Variants in MEIS2 observed in about 807,000 individuals in gnomAD.
The protein encoded by MEIS2 is Meis homeobox 2.
MEIS2 carries 9 observed loss-of-function variants against 58.6 expected under a neutral mutation model. That is an observed-to-expected ratio of 0.15 (90% CI 0.09 to 0.27). The LOEUF (loss-of-function observed/expected upper bound fraction) is 0.27. Ranked by LOEUF, MEIS2 falls within the 10% of genes least tolerant of loss-of-function variation. The pLI, the probability that MEIS2 is intolerant of heterozygous loss-of-function variation, is 1.00. For synonymous variants in MEIS2, 221 were observed against 228.4 expected (o/e 0.97, Z 0.29); for missense variants, 427 against 635.0 (o/e 0.67, Z 3.52).
chr15:36,932,347 T>C (rs2058014314), intron 9 of MEIS2, among the ~76,000 whole-genome samples: 1 of 152,190 alleles, frequency 6.6e-6, no homozygotes, highest in South Asian at 2.1e-4. Context: ...CAGGCCTCTA[T>C]AGTGGCCCTG....
chr15:37,017,322 G>A (rs1417253625), intron 8 of MEIS2, among the ~76,000 whole-genome samples: 1 of 152,134 alleles, frequency 6.6e-6, no homozygotes, highest in Non-Finnish European at 1.5e-5. Context: ...ACAGAGTGTG[G>A]GCGGGGTTGG....
intron 9 of MEIS2, among the ~76,000 whole-genome samples, chr15:36,910,511 G>A (rs1449243107): frequency 1.3e-5 from 2 of 152,106 alleles, no homozygotes; most frequent in East Asian, 3.9e-4. Flanking sequence ...GGGTTCCAAG[G>A]ATGTGAAAAG....
chr15:36,989,519 A>C (rs1333465743), intron 8 of MEIS2, among the ~76,000 whole-genome samples: 24 of 152,172 alleles, frequency 1.6e-4, no homozygotes, highest in Admixed American at 1.5e-3. Flanking sequence ...ACACAGGGTC[A>C]GCTCGGACTA....
chr15:37,029,036 T>C (rs1277399015), intron 8 of MEIS2, among the ~76,000 whole-genome samples: 1 of 152,242 alleles, frequency 6.6e-6, no homozygotes, highest in Non-Finnish European at 1.5e-5. Context: ...TGTAATTTAA[T>C]GCATTGTGAC....
chr15:36,913,259 A>G (rs995719460), intron 9 of MEIS2, among the ~76,000 whole-genome samples: 2 of 152,252 alleles, frequency 1.3e-5, no homozygotes, highest in Non-Finnish European at 2.9e-5. Context: ...AAGTTAATCC[A>G]TAGATGTGGT....
chr15:36,994,176 A>G (rs779721216), intron 8 of MEIS2, among the ~76,000 whole-genome samples: 5 of 152,174 alleles, frequency 3.3e-5, no homozygotes, highest in Non-Finnish European at 7.4e-5. Flanking sequence ...GAAAGACTGT[A>G]TAAATATACT....
chr15:37,066,430 C>T (rs912156154), intron 7 of MEIS2: 4 of 152,110 alleles, frequency 2.6e-5, no homozygotes, highest in Non-Finnish European at 5.9e-5. Flanking sequence ...TTTTAAATGG[C>T]TTTGTCTTCA....
At chr15:37,095,729 A>G (rs1261118454) in intron 3 of MEIS2, 115 bp from the exon 4 acceptor site, 1 of 1,433,468 alleles carries the variant, frequency 7.0e-7, no homozygotes, top group Non-Finnish European at 9.6e-7. Flanking sequence ...GGGCTTTGGC[A>G]AAATACAAGA....
At chr15:37,062,533 T>G (rs1286762530) in intron 7 of MEIS2, among the ~76,000 whole-genome samples, 1 of 152,238 alleles carries the variant, frequency 6.6e-6, no homozygotes, top group African/African-American at 2.4e-5. Flanking sequence ...ACAACTTTAC[T>G]GTCTTCTTGC....
At chr15:36,992,254 T>C (rs2060322017) in intron 8 of MEIS2, among the ~76,000 whole-genome samples, 1 of 152,102 alleles carries the variant, frequency 6.6e-6, no homozygotes, top group Non-Finnish European at 1.5e-5. Flanking sequence ...TAGCTTAGTA[T>C]TTCTTCCTCA....
intron 8 of MEIS2, among the ~76,000 whole-genome samples, chr15:36,970,364 A>G (rs7171532): frequency 0.011 from 1,596 of 151,300 alleles, 28 homozygotes; most frequent in African/African-American, 0.037. Flanking sequence ...AGATCGCGCC[A>G]CTGCACTCCA....
intron 11 of MEIS2, among the ~76,000 whole-genome samples, chr15:36,893,199 C>A: frequency 6.6e-6 from 1 of 152,200 alleles, no homozygotes; most frequent in East Asian, 1.9e-4. Flanking sequence ...GGGAAGTCAG[C>A]AATTGTAAGG....
chr15:37,034,138 GA>G (rs1434004069), intron 8 of MEIS2, among the ~76,000 whole-genome samples: 1 of 151,860 alleles, frequency 6.6e-6, no homozygotes, highest in Non-Finnish European at 1.5e-5. Context: ...GGAAAGAGAG[GA>G]AAGAATGACC....
At chr15:36,955,880 A>G (rs935864061) in intron 8 of MEIS2, among the ~76,000 whole-genome samples, 1 of 151,900 alleles carries the variant, frequency 6.6e-6, no homozygotes, top group Non-Finnish European at 1.5e-5. Context: ...AAACATTAAG[A>G]GTCAAAAGAT....
At position 37,001,085 on chromosome 15, in the gene MEIS2, T is replaced by C. The variant is rs139204105; in HGVS notation, c.900+35729A>G. Among the ~76,000 whole-genome samples, 9 of 152,346 alleles carry C rather than the reference T, an allele frequency of 5.9e-5. No individual in the cohort carries two copies. In the East Asian group the frequency reaches 7.7e-4, roughly 13 times the overall value. Reference sequence around the variant, plus strand: ...TGATCTGTTGATTATGCATTTCTTTTGCATTAACATTTATTTAGCAACTAC... The same window carrying C: ...TGATCTGTTGATTATGCATTTCTTTCGCATTAACATTTATTTAGCAACTAC... On this transcript the variant is annotated intron_variant, in intron 8 of 11. Transcript: ENST00000561208.
chr15:36,934,649 A>G (rs896845404), intron 9 of MEIS2, among the ~76,000 whole-genome samples: 3 of 152,132 alleles, frequency 2.0e-5, no homozygotes, highest in African/African-American at 7.2e-5. Flanking sequence ...ATGCTTTTTC[A>G]TCTCCTGTAT....
At chr15:37,036,702 T>C (rs1404875141) in intron 8 of MEIS2, 112 bp downstream of exon 8, 1 of 1,245,408 alleles carries the variant, frequency 8.0e-7, no homozygotes, top group Non-Finnish European at 1.1e-6. Flanking sequence ...TCATCAGATT[T>C]CAAGAATAAG....
chr15:37,094,675 G>A, intron 4 of MEIS2, 98 bp from the exon 5 acceptor site: 2 of 979,978 alleles, frequency 2.0e-6, no homozygotes, highest in Admixed American at 5.0e-5. Context: ...AGAAAGTTGG[G>A]CTGGGGAGAA....
chr15:37,001,228 C>G (rs896525113), intron 8 of MEIS2, among the ~76,000 whole-genome samples: 9 of 152,166 alleles, frequency 5.9e-5, no homozygotes, highest in Admixed American at 5.2e-4. Flanking sequence ...TTGGGCCTCT[C>G]TAGCTGCTGC....
Sources: allele counts gnomAD v4.1 joint callset (sites outside exome capture counted in the v4.1 genomes callset), GRCh38; gene constraint gnomAD v4.1.1; transcripts MANE v1.5; gene names NCBI Gene and HGNC (gene_info 2026-07-23, HGNC 2026-07-21).